IGFL4: variants seen among roughly 807,000 people sequenced by gnomAD.
IGFL4 encodes insulin growth factor-like family member 4.
In IGFL4, 12 loss-of-function variants were observed where a neutral mutation model predicts 15.4. The ratio of observed to expected loss-of-function variants is 0.78; its 90% confidence interval spans 0.50 to 1.26. The LOEUF (loss-of-function observed/expected upper bound fraction) is 1.26, where lower values mean the gene tolerates loss of function less well. IGFL4 is among the 50% of genes most tolerant of loss of function. IGFL4 has a pLI of 0.00. For missense variants in IGFL4, 126 were observed against 147.8 expected, an observed-to-expected ratio of 0.85 and a Z score of 0.76; for synonymous variants, 54 against 55.9, an observed-to-expected ratio of 0.97 and a Z score of 0.16.
chr19:46,041,069 T>C (rs1260347051), upstream of IGFL4: 2 of 1,022,566 alleles, frequency 2.0e-6, no homozygotes, highest in Non-Finnish European at 2.8e-6. Context: ...TAGGGAGGTG[T>C]GCAGAAGGAG....
chr19:46,066,070 A>AT (rs1301851405), intron 1 of IGFL4, among the ~76,000 whole-genome samples: 1 of 152,056 alleles, frequency 6.6e-6, no homozygotes, highest in African/African-American at 2.4e-5. Flanking sequence ...CAGCCAGGTG[A>AT]TTTTTTCTCT....
At position 46,046,173 on chromosome 19, in the gene IGFL4, T is replaced by G. The variant is rs981217569; in HGVS notation, c.-322-5063A>C. Among the ~76,000 whole-genome samples the G allele has an allele frequency of 5.2e-4, 79 of 152,064 alleles. 1 individual carries two copies. The highest frequency in any genetic ancestry group is 1.9e-3 in the African/African-American group (78 of 41,462). Reference sequence around the variant, plus strand: ...ATCCAGCCAAACTAAGCTTCATAAGTGGAGAAATAAGGTCCTTTTCAGACA... The same window carrying G: ...ATCCAGCCAAACTAAGCTTCATAAGGGGAGAAATAAGGTCCTTTTCAGACA... On this transcript the variant is annotated intron_variant, in intron 2 of 5. Coordinates refer to the IGFL4 transcript ENST00000601672.
chr19:46,066,762 G>A lies in IGFL4; in HGVS notation c.-431-6469C>T, dbSNP rs957819874. ...TTGTGAGGACAGCACCAAGCTATGAGGGATCTTCCCCATGACCCAAACACC... is the reference window on the plus strand; with the variant it reads ...TTGTGAGGACAGCACCAAGCTATGAAGGATCTTCCCCATGACCCAAACACC... On this transcript the variant is annotated intron_variant, in intron 1 of 5. Transcript: ENST00000601672. Among the ~76,000 whole-genome samples, 5 of 152,168 alleles carry A rather than the reference G, an allele frequency of 3.3e-5. No individual in the cohort carries two copies. In the East Asian group the frequency reaches 9.6e-4, roughly 29 times the overall value.
chr19:46,066,656 T>A (rs996782627), intron 1 of IGFL4, among the ~76,000 whole-genome samples: 1 of 152,190 alleles, frequency 6.6e-6, no homozygotes, highest in Non-Finnish European at 1.5e-5. Flanking sequence ...GGAGCAAGCA[T>A]GTCACATGGC....
intron 2 of IGFL4, among the ~76,000 whole-genome samples, chr19:46,056,561 C>T (rs1969394497): frequency 6.6e-6 from 1 of 152,176 alleles, no homozygotes; most frequent in Non-Finnish European, 1.5e-5. Context: ...TCTGGAGATG[C>T]CTCCTGATGA....
chr19:46,068,076 G>A (rs1275881593), intron 1 of IGFL4, among the ~76,000 whole-genome samples: 2 of 152,230 alleles, frequency 1.3e-5, no homozygotes, highest in Non-Finnish European at 2.9e-5. Context: ...GAAGCGGGGA[G>A]AGAGCAGCAG....
At chr19:46,044,609 C>A (rs1221045956), upstream of IGFL4, among the ~76,000 whole-genome samples, 1 of 152,180 alleles carries the variant, frequency 6.6e-6, no homozygotes, top group Non-Finnish European at 1.5e-5. Flanking sequence ...AGGAAGGGTT[C>A]CCCACAACAC....
chr19:46,040,953 T>C lies in IGFL4; in HGVS notation c.10A>G (p.Arg4Gly). The C allele has an allele frequency of 6.3e-7, 1 of 1,590,164 alleles. No individual in the cohort carries two copies. Among genetic ancestry groups the C allele is most frequent in the Non-Finnish European group, 8.5e-7 (1 of 1,170,234 alleles). The change falls in exon 1 of 4, where the codon AGA (arginine) becomes GGA (glycine). Residue 4 changes from arginine (R) to glycine (G), a missense_variant. Transcript: ENST00000377697. This position sits in a 1 kb window ranked among gnomAD's most constrained non-coding sequence, Gnocchi z 4.1. ...GCTGGGGTCTCCTTACCAGAAATTC[T>C]GGGCACCATGGGTTAGGCTTCAGAG... is the stretch of plus-strand genomic sequence containing the variant. MVPRISAAIFIFEL... is the reference protein window; with the variant it reads MVPGISAAIFIFEL...
intron 1 of IGFL4, among the ~76,000 whole-genome samples, chr19:46,073,715 A>C (rs1969567942): frequency 6.6e-6 from 1 of 152,134 alleles, no homozygotes; most frequent in South Asian, 2.1e-4. Flanking sequence ...ATTCTCGAGA[A>C]CTTGGCAAAT....
At chr19:46,048,117 C>T (rs111517248) in intron 2 of IGFL4, among the ~76,000 whole-genome samples, 5,727 of 152,232 alleles carry the variant, frequency 0.038, 167 homozygotes, top group East Asian at 0.073. Context: ...GTTCAACATA[C>T]GCAAAGCAAC....
upstream of IGFL4, among the ~76,000 whole-genome samples, chr19:46,041,684 G>T (rs1969244962): frequency 6.6e-6 from 1 of 151,750 alleles, no homozygotes; most frequent in African/African-American, 2.4e-5. Context: ...TATTTTTAGA[G>T]CATGCCCCTC....
chr19:46,040,396 G>A lies in IGFL4; in HGVS notation c.91C>T (p.Gln31Ter). 1 of 1,614,206 alleles carries A rather than the reference G, an allele frequency of 6.2e-7. No homozygotes were observed. Among genetic ancestry groups the A allele is most frequent in the Non-Finnish European group, 8.5e-7 (1 of 1,180,038 alleles). Reference protein sequence around the residue: ...GVTDLRLWLCQPAPRCGEWTY... With the variant: ...GVTDLRLWLC ...CACTCCCCGCACCTGGGCGCTGGCT[G>A]GCATAGCCACAGTCTAAGATCTGGA... Residue 31 changes from glutamine to a stop codon, truncating the protein, a stop_gained, in exon 3 of 4, where the codon CAG becomes TAG. Transcript: ENST00000377697. LOFTEE classifies it high-confidence loss of function. This position sits in a 1 kb window ranked among gnomAD's most constrained non-coding sequence, Gnocchi z 4.1.
At chr19:46,043,975 G>A (rs187648527), upstream of IGFL4, among the ~76,000 whole-genome samples, 3 of 152,254 alleles carry the variant, frequency 2.0e-5, no homozygotes, top group Non-Finnish European at 4.4e-5. Flanking sequence ...AGGAATGAAA[G>A]GAGTGAGTGA....
chr19:46,060,840 C>A (rs150139847), intron 1 of IGFL4, among the ~76,000 whole-genome samples: 3 of 152,246 alleles, frequency 2.0e-5, no homozygotes, highest in African/African-American at 7.2e-5. Flanking sequence ...AAGCCAAATG[C>A]CACCTTTGCA....
chr19:46,044,787 GT>G (rs923374528), upstream of IGFL4, among the ~76,000 whole-genome samples: 1 of 152,158 alleles, frequency 6.6e-6, no homozygotes, highest in African/African-American at 2.4e-5. Context: ...CATCTTTGCT[GT>G]TTTGCAGCCT....
intron 1 of IGFL4, among the ~76,000 whole-genome samples, chr19:46,071,134 GT>G (rs79753851): frequency 0.097 from 13,920 of 144,110 alleles, 1,227 homozygotes; most frequent in African/African-American, 0.24. Context: ...ACATGATCCT[GT>G]TTTTTTTTTT....
At chr19:46,056,090 A>G (rs1969390490) in intron 2 of IGFL4, among the ~76,000 whole-genome samples, 1 of 152,164 alleles carries the variant, frequency 6.6e-6, no homozygotes, top group Non-Finnish European at 1.5e-5. Flanking sequence ...TTTAGTTTTT[A>G]TATAAAGGTG....
rs186526031 is a variant in IGFL4, at chr19:46,065,481, G to A, written c.-431-5188C>T. Among the ~76,000 whole-genome samples the A allele has an allele frequency of 3.6e-4, 55 of 152,340 alleles. 1 individual carries two copies. In the East Asian group the frequency reaches 0.011, roughly 29 times the overall value. ...ATGGCACCATGCCCAGCTAATTTTTGTATTTTTAGTAGAGACGGGGTTTCA... is the reference window on the plus strand; with the variant it reads ...ATGGCACCATGCCCAGCTAATTTTTATATTTTTAGTAGAGACGGGGTTTCA... On this transcript the variant is annotated intron_variant, in intron 1 of 5. Transcript: ENST00000601672.
chr19:46,060,106 T>C (rs1239442905), intron 2 of IGFL4: 1 of 152,228 alleles, frequency 6.6e-6, no homozygotes, highest in Non-Finnish European at 1.5e-5. Context: ...TTTCTCCAAT[T>C]GTGTCTGTTT....
Sources: allele counts gnomAD v4.1 joint callset (sites outside exome capture counted in the v4.1 genomes callset), GRCh38; gene constraint gnomAD v4.1.1; non-coding constraint Gnocchi (gnomAD v3.1); transcripts MANE v1.5; gene names NCBI Gene and HGNC (gene_info 2026-07-23, HGNC 2026-07-21).